Variants in TRHDE observed in about 807,000 individuals in gnomAD.
TRHDE encodes the protein thyrotropin releasing hormone degrading enzyme, also known as thyrotropin-releasing hormone-degrading ectoenzyme.
TRHDE carries 72 observed loss-of-function variants against 125.7 expected under a neutral mutation model. That is an observed-to-expected ratio of 0.57 (90% CI 0.47 to 0.70). The LOEUF is 0.70. Ranked by LOEUF, TRHDE falls within the 30% of genes least tolerant of loss-of-function variation. TRHDE has a pLI of 0.00. For synonymous variants in TRHDE, 509 were observed against 509.1 expected (o/e 1.00, Z 0.00); for missense variants, 1,110 against 1,327.1 (o/e 0.84, Z 2.54).
In TRHDE at chr12:72,353,316, C is replaced by A. The variant is rs186031672; in HGVS notation, c.1189-24679C>A. Among the ~76,000 whole-genome samples, 20 of 151,384 alleles carry A rather than the reference C, an allele frequency of 1.3e-4. No individual in the cohort carries two copies. In the Admixed American group the frequency reaches 1.3e-3, roughly 10 times the overall value. The stretch of plus-strand genomic sequence containing the variant: ...TAGAAGCATTTGTAGTAGATTGATA[C>A]ACAGAATATACAAGAAGCTCATGGA... On this transcript the variant is annotated intron_variant, in intron 2 of 18. Coordinates refer to ENST00000261180, the MANE Select transcript of TRHDE (RefSeq NM_013381.3).
In TRHDE at chr12:72,141,329, G is replaced by A. The variant is rs189003649; in HGVS notation, n.279+35577G>A. Among the ~76,000 whole-genome samples the A allele has an allele frequency of 1.2e-3, 177 of 152,182 alleles. 2 individuals are homozygous for A. Among genetic ancestry groups the A allele is most frequent in the Admixed American group, 0.01 (159 of 15,288 alleles). On this transcript the variant is annotated intron_variant and non_coding_transcript_variant, in intron 2 of 4. Transcript: ENST00000548156. ...AAAAATGCAAACATATCACATGATA[G>A]CATTATTTTATCTTAGTTTACCAGG...
At chr12:72,578,370 C>A (rs575172526) in intron 12 of TRHDE, among the ~76,000 whole-genome samples, 1 of 152,244 alleles carries the variant, frequency 6.6e-6, no homozygotes, top group South Asian at 2.1e-4. Context: ...GAGTCCATGA[C>A]CTCAAGTAAG....
chr12:72,289,879 C>T lies in TRHDE; in HGVS notation c.1188+2925C>T, dbSNP rs192746281. ...CTTCCCAGTTTCACTTAATCCAGAC[C>T]GCTTTTATTCTTTTGCATCTAGTCC... On this transcript the variant is annotated intron_variant, in intron 2 of 18. Transcript: ENST00000261180. Among the ~76,000 whole-genome samples the T allele has an allele frequency of 3.3e-4, 51 of 152,240 alleles. No homozygotes were observed. In the East Asian group the frequency reaches 8.9e-3, roughly 26 times the overall value.
rs541449293 is a variant in TRHDE at position 72,349,670 on chromosome 12, T to C, written c.1189-28325T>C. ...ATCTGTTTTTTGTTGAGGATGATGA[T>C]TTGTGACTGTAACTAATTGCATTTG... On this transcript the variant is annotated intron_variant, in intron 2 of 18. Transcript: ENST00000261180. Among the ~76,000 whole-genome samples, 9 of 152,118 alleles carry C rather than the reference T, an allele frequency of 5.9e-5. 1 individual carries two copies. The South Asian group carries it at 6.2e-4, about 11-fold the overall frequency.
chr12:72,272,987 C>T lies in TRHDE; in HGVS notation c.344C>T (p.Ala115Val), dbSNP rs1278896797. 6 of 1,553,406 alleles carry T rather than the reference C, an allele frequency of 3.9e-6. No homozygotes were observed. Among genetic ancestry groups the T allele is most frequent in the Non-Finnish European group, 5.2e-6 (6 of 1,155,924 alleles). ...AGCCTGCGCTTCGACGAGTGCGGGG[C>T]GAGTGCCACGCCAGGCGCCGACGGT... ...LLSLRFDECG[A>V]SATPGADGGP... is the part of the protein sequence containing the mutation. The change falls in exon 1 of 19, where the codon GCG becomes GTG. Residue 115 changes from alanine (A) to valine (V), a missense_variant. This residue lies in a region of TRHDE where 248 missense variants were observed against 240.8 expected (regional missense o/e 1.03). Coordinates refer to ENST00000261180, the MANE Select transcript of TRHDE (RefSeq NM_013381.3). The surrounding 1 kb of genome is among the most constrained non-coding windows in gnomAD (Gnocchi z 6.7).
chr12:72,136,784 G>GT (rs1875996144), intron 2 of TRHDE, among the ~76,000 whole-genome samples: 2 of 152,164 alleles, frequency 1.3e-5, no homozygotes, highest in South Asian at 4.1e-4. Context: ...CCCAGCACCT[G>GT]TTTTTTTATG....
intron 12 of TRHDE, among the ~76,000 whole-genome samples, chr12:72,581,879 G>A (rs1051226582): frequency 6.6e-6 from 1 of 151,878 alleles, no homozygotes; most frequent in Non-Finnish European, 1.5e-5. Context: ...GAGGTGGGCA[G>A]ATCACGAGGT....
At chr12:72,600,595 G>C (rs549852898) in intron 12 of TRHDE, among the ~76,000 whole-genome samples, 2 of 151,996 alleles carry the variant, frequency 1.3e-5, no homozygotes, top group African/African-American at 4.8e-5. Context: ...TCATAATTTT[G>C]TTTTCTAAAA....
chr12:72,414,246 A>C (rs1873636136), intron 3 of TRHDE, among the ~76,000 whole-genome samples: 1 of 152,102 alleles, frequency 6.6e-6, no homozygotes, highest in African/African-American at 2.4e-5. Flanking sequence ...ACGAGTTTTT[A>C]AGGAAGCAAT....
chr12:72,248,300 C>T (rs774263327), intron 2 of TRHDE, among the ~76,000 whole-genome samples: 2 of 151,888 alleles, frequency 1.3e-5, no homozygotes, highest in Non-Finnish European at 2.9e-5. Flanking sequence ...TGCCTGTAAT[C>T]CCAGCTACTC....
intron 7 of TRHDE, among the ~76,000 whole-genome samples, chr12:72,559,500 G>A (rs1446875445): frequency 6.6e-6 from 1 of 152,042 alleles, no homozygotes; most frequent in Non-Finnish European, 1.5e-5. Flanking sequence ...GTTAAATAGA[G>A]TTTTAACTTT....
intron 2 of TRHDE, among the ~76,000 whole-genome samples, chr12:72,207,161 C>T (rs1277645783): frequency 6.6e-6 from 1 of 152,138 alleles, no homozygotes; most frequent in African/African-American, 2.4e-5. Context: ...AAGGCTGTTT[C>T]CCCCCTAAGA....
Position 72,272,706 on chromosome 12 carries a change from G to A in TRHDE, c.63G>A (p.Lys21=), listed in dbSNP as rs1879276288. The A allele has an allele frequency of 1.1e-5, 15 of 1,391,196 alleles. No individual in the cohort carries two copies. Among genetic ancestry groups the A allele is most frequent in the Non-Finnish European group, 1.4e-5 (15 of 1,062,246 alleles). The allele number at this position is 1,391,196 out of a possible 1,614,324, so 86.2% of individuals were successfully genotyped here. Residue 21 remains lysine (K), a synonymous_variant, in exon 1 of 19, where the codon AAG becomes AAA. Transcript: ENST00000261180. This position sits in a 1 kb window ranked among gnomAD's most constrained non-coding sequence, Gnocchi z 6.7. ...AGAAGAAAAAGAAGAAGAAAAAGAAGAGGAAGAAGAAGAAGGAGGAGGAGG... is the reference window on the plus strand; with the variant it reads ...AGAAGAAAAAGAAGAAGAAAAAGAAAAGGAAGAAGAAGAAGGAGGAGGAGG... ...EEEKKKKKKK[K]RKKKKEEEEE...
chr12:72,097,895 A>T (rs1175006566), intron 1 of TRHDE, among the ~76,000 whole-genome samples: 2 of 152,194 alleles, frequency 1.3e-5, no homozygotes, highest in Non-Finnish European at 1.5e-5. Flanking sequence ...TTAAAAGAGT[A>T]TTGGGCTGTT....
chr12:72,445,831 A>G (rs1220180780), intron 3 of TRHDE, among the ~76,000 whole-genome samples: 3 of 151,992 alleles, frequency 2.0e-5, no homozygotes, highest in African/African-American at 7.2e-5. Context: ...ATAAAAATCC[A>G]GATTACTAGC....
intron 2 of TRHDE, among the ~76,000 whole-genome samples, chr12:72,176,368 A>G (rs914014391): frequency 2.6e-5 from 4 of 152,066 alleles, no homozygotes; most frequent in Non-Finnish European, 5.9e-5. Flanking sequence ...CTAGATATGG[A>G]TGGCTTGGGA....
intron 3 of TRHDE, among the ~76,000 whole-genome samples, chr12:72,398,702 ATAAAT>A (rs1872909723): frequency 1.3e-5 from 2 of 152,224 alleles, no homozygotes; most frequent in Non-Finnish European, 2.9e-5. Context: ...AGCATTTTTA[ATAAAT>A]TAAATCTTAT....
rs181197064 is a variant in TRHDE, at chr12:72,109,514, C to A, written n.279+3762C>A. On this transcript the variant is annotated intron_variant and non_coding_transcript_variant, in intron 2 of 4. Transcript: ENST00000548156. ...TTAGTATAGCAGGTCAATGGTATCA[C>A]TAACAACTAGGCTCCTACTGTTTCC... is the stretch of plus-strand genomic sequence containing the variant. Among the ~76,000 whole-genome samples the A allele has an allele frequency of 2.3e-3, 347 of 152,182 alleles. 1 individual carries two copies. The highest frequency in any genetic ancestry group is 3.6e-3 in the Admixed American group (55 of 15,256).
At chr12:72,370,939 C>T (rs1213992199) in intron 2 of TRHDE, among the ~76,000 whole-genome samples, 4 of 152,020 alleles carry the variant, frequency 2.6e-5, no homozygotes, top group East Asian at 1.9e-4. Context: ...GATGGGGTTT[C>T]GCCATGTTGG....
Sources: allele counts gnomAD v4.1 joint callset (sites outside exome capture counted in the v4.1 genomes callset), GRCh38; gene constraint gnomAD v4.1.1; regional missense constraint gnomAD v4.1.1; non-coding constraint Gnocchi (gnomAD v3.1); transcripts MANE v1.5; gene names NCBI Gene and HGNC (gene_info 2026-07-23, HGNC 2026-07-21).